FOXP2: variants seen among roughly 807,000 people sequenced by gnomAD.
FOXP2 encodes forkhead box P2, also known as forkhead box protein P2.
In FOXP2, 12 loss-of-function variants were observed where a neutral mutation model predicts 115.8. The ratio of observed to expected loss-of-function variants is 0.10; its 90% confidence interval spans 0.07 to 0.17. FOXP2 has a LOEUF of 0.17. FOXP2 is among the 10% of genes least tolerant of loss of function. FOXP2 has a pLI of 1.00. For synonymous variants in FOXP2, 328 were observed against 297.7 expected (o/e 1.10, Z -1.05); for missense variants, 629 against 843.5 (o/e 0.75, Z 3.15).
intron 16 of FOXP2, among the ~76,000 whole-genome samples, chr7:114,687,981 C>G (rs1453064861): frequency 6.6e-6 from 1 of 152,000 alleles, no homozygotes; most frequent in African/African-American, 2.4e-5. Context: ...TAAGAAGACA[C>G]ACACACATAT....
At chr7:114,256,712 C>T (rs1220175173) in intron 1 of FOXP2, among the ~76,000 whole-genome samples, 1 of 152,128 alleles carries the variant, frequency 6.6e-6, no homozygotes, top group East Asian at 1.9e-4. Flanking sequence ...TTAATTAGAT[C>T]CGATTTGTCA....
intron 1 of FOXP2, among the ~76,000 whole-genome samples, chr7:114,247,101 C>A (rs561787609): frequency 1.3e-5 from 2 of 152,200 alleles, no homozygotes; most frequent in South Asian, 4.1e-4. Flanking sequence ...ACAAAATAAT[C>A]TCATGATAAA....
Position 114,630,202 on chromosome 7 carries a change from A to G in FOXP2, c.597+197A>G, listed in dbSNP as rs117517296. Among the ~76,000 whole-genome samples, 1,135 of 152,282 alleles carry G rather than the reference A, an allele frequency of 7.5e-3. 17 individuals carry two copies. Among genetic ancestry groups the G allele is most frequent in the Admixed American group, 0.018 (275 of 15,288 alleles). On this transcript the variant is annotated intron_variant, in intron 5 of 16. Coordinates refer to ENST00000350908, the MANE Select transcript of FOXP2 (RefSeq NM_014491.4). The stretch of plus-strand genomic sequence containing the variant: ...TGTAGCATGGGACTTGAGAGTTACA[A>G]TCTAATGCTGCTGTCGTCTAATGTT...
At chr7:114,434,438 TGGGG>T (rs11350392) in intron 2 of FOXP2, among the ~76,000 whole-genome samples, 10 of 131,500 alleles carry the variant, frequency 7.6e-5, no homozygotes, top group Non-Finnish European at 1.3e-4. Flanking sequence ...TTAATATATA[TGGGG>T]GGGGGGGATA....
chr7:114,486,739 C>T (rs1444035883), intron 2 of FOXP2, among the ~76,000 whole-genome samples: 1 of 152,162 alleles, frequency 6.6e-6, no homozygotes, highest in African/African-American at 2.4e-5. Context: ...CATGCAGGCC[C>T]CATGCAAGTT....
intron 2 of FOXP2, among the ~76,000 whole-genome samples, chr7:114,352,815 A>G (rs1028890395): frequency 6.6e-6 from 1 of 152,156 alleles, no homozygotes; most frequent in African/African-American, 2.4e-5. Flanking sequence ...GGGTGGGTGC[A>G]ATTTAGCATA....
chr7:114,207,958 C>G (rs372407466), intron 1 of FOXP2, among the ~76,000 whole-genome samples: 2 of 152,314 alleles, frequency 1.3e-5, no homozygotes, highest in African/African-American at 4.8e-5. Context: ...CTTAGGAGTT[C>G]AAGACCAGCC....
chr7:114,196,149 A>G (rs1272206841), intron 1 of FOXP2, among the ~76,000 whole-genome samples: 2 of 152,052 alleles, frequency 1.3e-5, no homozygotes, highest in Admixed American at 6.5e-5. Flanking sequence ...AGTAGCTGGG[A>G]CTAGGGCGCG....
At chr7:114,608,926 C>T (rs192531092) in intron 3 of FOXP2, among the ~76,000 whole-genome samples, 53 of 152,020 alleles carry the variant, frequency 3.5e-4, no homozygotes, top group East Asian at 2.5e-3. Flanking sequence ...CAGCTGGGTG[C>T]GGTGGCTCAC....
intron 3 of FOXP2, among the ~76,000 whole-genome samples, chr7:114,559,000 C>T (rs554653999): frequency 6.6e-6 from 1 of 151,862 alleles, no homozygotes; most frequent in East Asian, 1.9e-4. Flanking sequence ...TTTTCTTTCA[C>T]TCTCCAAATG....
chr7:114,128,239 C>A (rs1028520162), intron 1 of FOXP2, among the ~76,000 whole-genome samples: 1 of 151,988 alleles, frequency 6.6e-6, no homozygotes, highest in African/African-American at 2.4e-5. Flanking sequence ...GCAAACAAAC[C>A]GAAGGAATTT....
chr7:114,632,106 A>G (rs183448016), intron 6 of FOXP2, among the ~76,000 whole-genome samples: 1 of 152,230 alleles, frequency 6.6e-6, no homozygotes, highest in Non-Finnish European at 1.5e-5. Flanking sequence ...TAAAAGAAAG[A>G]TAAAAGTTCC....
intron 3 of FOXP2, among the ~76,000 whole-genome samples, chr7:114,621,215 T>C (rs1804234170): frequency 6.6e-6 from 1 of 152,072 alleles, no homozygotes; most frequent in Non-Finnish European, 1.5e-5. Context: ...TTGTTTTTAA[T>C]TTATGTTAGA....
chr7:114,337,418 A>T (rs1039985200), intron 2 of FOXP2, among the ~76,000 whole-genome samples: 1 of 151,232 alleles, frequency 6.6e-6, no homozygotes, highest in African/African-American at 2.4e-5. Flanking sequence ...GAGCGATTCA[A>T]CTATTTTTAC....
At chr7:114,310,766 A>G (rs1197804053) in intron 2 of FOXP2, among the ~76,000 whole-genome samples, 1 of 152,018 alleles carries the variant, frequency 6.6e-6, no homozygotes, top group East Asian at 1.9e-4. Flanking sequence ...TCATATGGCC[A>G]TTGCTGAATA....
At chr7:114,665,774 G>A (rs1807129751) in intron 16 of FOXP2, 1 of 152,084 alleles carries the variant, frequency 6.6e-6, no homozygotes, top group African/African-American at 2.4e-5. Flanking sequence ...GCTCTTGAGA[G>A]TAGCAGTATT....
At chr7:114,620,167 T>C (rs556855888) in intron 3 of FOXP2, among the ~76,000 whole-genome samples, 1 of 152,014 alleles carries the variant, frequency 6.6e-6, no homozygotes, top group Non-Finnish European at 1.5e-5. Context: ...TTTAAATTGC[T>C]GAAACAAGGG....
At chr7:114,629,749 T>C in intron 4 of FOXP2, 56 bp from the exon 5 acceptor site, 2 of 1,612,136 alleles carry the variant, frequency 1.2e-6, no homozygotes, top group Non-Finnish European at 1.7e-6. Flanking sequence ...GTTTAGGAGA[T>C]TTATAATACG....
chr7:114,284,849 A>G lies in FOXP2; in HGVS notation c.-101-3170A>G, dbSNP rs1256522044. 5.9e-5 allele frequency among the ~76,000 whole-genome samples: 9 copies of G among 152,324 alleles called. No homozygotes were observed. In the East Asian group the frequency reaches 1.5e-3, roughly 26 times the overall value. ...AGACCATGGAATACTATGCAGTCAT[A>G]AAAAGAAATGAGGTGATATACTTTG... On this transcript the variant is annotated intron_variant, in intron 1 of 17. Coordinates refer to the FOXP2 transcript ENST00000634411.
Sources: gnomAD v4.1 joint callset for allele counts (sites outside exome capture counted in the v4.1 genomes callset) on GRCh38, gnomAD v4.1.1 for gene constraint, MANE v1.5 for transcripts, NCBI Gene and HGNC (gene_info 2026-07-23, HGNC 2026-07-21) for gene names.